HK3: variants seen among roughly 807,000 people sequenced by gnomAD.
HK3 encodes the protein hexokinase 3.
In HK3, 93 loss-of-function variants were observed where a neutral mutation model predicts 91.0. The ratio of observed to expected loss-of-function variants is 1.02; its 90% CI spans 0.86 to 1.21. The LOEUF (loss-of-function observed/expected upper bound fraction) is 1.21. HK3 is among the 50% of genes most tolerant of loss of function. HK3 has a pLI of 0.00. For synonymous variants in HK3, 519 were observed against 516.9 expected (o/e 1.00, Z -0.06); for missense variants, 1,235 against 1,247.4 (o/e 0.99, Z 0.15).
At chr5:176,892,071 TTCCCAAAAC>T in intron 2 of HK3, among the ~76,000 whole-genome samples, 2 of 152,216 alleles carry the variant, frequency 1.3e-5, no homozygotes, top group Non-Finnish European at 2.9e-5. Context: ...TCAGTCATCC[TTCCCAAAAC>T]ATTGCTCCAG....
At chr5:176,889,597 C>G in intron 7 of HK3, 33 bp from the exon 8 acceptor site, 1 of 1,614,006 alleles carries the variant, frequency 6.2e-7, no homozygotes. Flanking sequence ...GGCCTGCTAG[C>G]CAGGCAGCAC....
Position 176,891,482 on chromosome 5 carries a change from C to G in HK3, c.165G>C (p.Leu55Phe). ...CCCTCAGCGCCTGCTCCATGGAACC[C>G]AAGAGGCTGGCTTGGATCTGCTGTA... is the stretch of plus-strand genomic sequence containing the variant. The part of the protein sequence containing the change: ...AQLQQIQASL[L>F]GSMEQALRGQ... The change falls in exon 3 of 19, where the codon TTG (leucine) becomes TTC (phenylalanine). Residue 55 changes from leucine to phenylalanine, a missense_variant. By Grantham distance (22) the Leu-to-Phe change is conservative. Around this residue, in one of 3 missense-constraint regions of HK3, gnomAD observed 717 missense variants for 751.6 expected, o/e 0.95. Transcript: ENST00000292432. 1 of 1,614,190 alleles carries G rather than the reference C, an allele frequency of 6.2e-7. No homozygotes were observed. Among genetic ancestry groups the G allele is most frequent in the Non-Finnish European group, 8.5e-7 (1 of 1,180,034 alleles).
chr5:176,882,418 G>A (rs1758461613), intron 15 of HK3, among the ~76,000 whole-genome samples: 1 of 152,186 alleles, frequency 6.6e-6, no homozygotes, highest in African/African-American at 2.4e-5. Flanking sequence ...ATTCCCCTGG[G>A]AGACATGTGA....
rs771626485 is a variant in HK3, at chr5:176,887,263, C to T, written c.1675G>A (p.Val559Met). The T allele has an allele frequency of 5.6e-6, 9 of 1,613,014 alleles. No homozygotes were observed. Among genetic ancestry groups the T allele is most frequent in the East Asian group, 2.2e-5 (1 of 44,794 alleles). Residue 559 changes from valine to methionine, a missense_variant, in exon 12 of 19, where the codon GTG becomes ATG. By Grantham distance (21) the Val-to-Met change is conservative. Around this residue, in one of 3 missense-constraint regions of HK3, gnomAD observed 717 missense variants for 751.6 expected, o/e 0.95. Transcript: ENST00000292432. The surrounding 1 kb of genome is among the most constrained non-coding windows in gnomAD (Gnocchi z 4.9). ...GAGTAGATCTCGCTGGTGATCTGCA[C>T]GCCTGTGGTCACACGTACCAGGAGG... ...RVLLVRVTTG[V>M]QITSEIYSIP...
chr5:176,888,683 A>G, intron 9 of HK3, 26 bp downstream of exon 9: 2 of 1,613,920 alleles, frequency 1.2e-6, no homozygotes, highest in Non-Finnish European at 1.7e-6. Context: ...AGAATCCCCC[A>G]CTAAACCACC....
intron 13 of HK3, among the ~76,000 whole-genome samples, chr5:176,885,367 C>A (rs1758555497): frequency 6.6e-6 from 1 of 152,202 alleles, no homozygotes; most frequent in Non-Finnish European, 1.5e-5. Context: ...CAAAGGGGCT[C>A]CTGGGGAAGG....
chr5:176,887,000 A>C lies in HK3; in HGVS notation c.1857+2T>G. ...GAATCACTTCTCTTGGCCCTCCCTC[A>C]CCTGGTCTAGGCCAAGCTGCCTACA... On this transcript the variant is annotated splice_donor_variant, in intron 13 of 18. Transcript: ENST00000292432. LOFTEE classifies it high-confidence loss of function. The C allele has an allele frequency of 1.2e-6, 2 of 1,613,838 alleles. No individual in the cohort carries two copies. Among genetic ancestry groups the C allele is most frequent in the Non-Finnish European group, 1.7e-6 (2 of 1,179,946 alleles).
At chr5:176,882,758 G>A (rs1758475597) in intron 15 of HK3, among the ~76,000 whole-genome samples, 1 of 152,192 alleles carries the variant, frequency 6.6e-6, no homozygotes, top group Admixed American at 6.5e-5. Flanking sequence ...CCAGGCAGAG[G>A]ACGCACCCTG....
At chr5:176,889,837 G>A in intron 6 of HK3, 93 bp from the exon 7 acceptor site, 2 of 995,656 alleles carry the variant, frequency 2.0e-6, no homozygotes, top group Non-Finnish European at 3.1e-6. Flanking sequence ...TGGCTTTGAA[G>A]GAGATACATA....
chr5:176,887,825 C>T lies in HK3; in HGVS notation c.1305-79G>A. 1 of 1,465,172 alleles carries T rather than the reference C, an allele frequency of 6.8e-7. No homozygotes were observed. The highest frequency in any genetic ancestry group is 9.3e-7 in the Non-Finnish European group (1 of 1,079,102). The allele number at this position is 1,465,172 out of a possible 1,614,324, so 90.8% of individuals were successfully genotyped here. On this transcript the variant is annotated intron_variant, in intron 10 of 18. Transcript: ENST00000292432. This position sits in a 1 kb window ranked among gnomAD's most constrained non-coding sequence, Gnocchi z 4.9. ...AGGTGTGCACGGCTTGGCCCTGGAC[C>T]CCCAGATACATACAGGTGTGCCCAG...
chr5:176,888,725 C>T lies in HK3; in HGVS notation c.1054G>A (p.Val352Met), dbSNP rs756469070. The T allele has an allele frequency of 9.9e-6, 16 of 1,614,108 alleles. No homozygotes were observed. The East Asian group carries it at 1.3e-4, about 13-fold the overall frequency. The change falls in exon 9 of 19, where the codon GTG becomes ATG. Residue 352 changes from valine (V) to methionine (M), a missense_variant. Physicochemically the swap from Val to Met is conservative, Grantham distance 21. Around this residue, in one of 3 missense-constraint regions of HK3, gnomAD observed 717 missense variants for 751.6 expected, o/e 0.95. Transcript: ENST00000292432. ...CCGACTCACTCCTCCATCTCAGCCA[C>T]GTGTTCCAGGAGGATGCTGCCTTGG... Reference protein sequence around the residue: ...LSQGSILLEHVAEMEDPSTGA... With the variant: ...LSQGSILLEHMAEMEDPSTGA...
At position 176,881,773 on chromosome 5, in the gene HK3, C is replaced by A; in HGVS notation, c.2312G>T (p.Gly771Val). Reference protein sequence around the residue: ...RHILLHLTSLGVLFRGQQIQR... With the variant: ...RHILLHLTSLVVLFRGQQIQR... ...GATCTGCTGGCCCCGGAAGAGAACG[C>A]CAAGGCTGGTTAAATGTAAAAGGAT... is the stretch of plus-strand genomic sequence containing the variant. Residue 771 changes from glycine (G) to valine (V), a missense_variant, in exon 17 of 19, where the codon GGC becomes GTC. Around this residue, in one of 3 missense-constraint regions of HK3, gnomAD observed 513 missense variants for 477.4 expected, o/e 1.07. Transcript: ENST00000292432. 1 of 1,614,196 alleles carries A rather than the reference C, an allele frequency of 6.2e-7. No homozygotes were observed. The highest frequency in any genetic ancestry group is 8.5e-7 in the Non-Finnish European group (1 of 1,180,038).
Position 176,889,533 on chromosome 5 carries a change from C to G in HK3, c.762G>C (p.Glu254Asp). 6.2e-7 allele frequency: 1 copy of G among 1,614,218 alleles called. No individual in the cohort carries two copies. Residue 254 changes from glutamate to aspartate, a missense_variant, in exon 8 of 19, where the codon GAG becomes GAC. Transcript: ENST00000292432. ...DTGTNACYME[E>D]ARHVAVLDED... is the part of the protein sequence containing the mutation. ...CGTCCAGCACTGCCACATGCCGTGC[C>G]TCCTCCATGTAACACGCGTTGGTGC... is the stretch of plus-strand genomic sequence containing the variant.
chr5:176,885,814 G>T (rs1449148923), intron 13 of HK3, among the ~76,000 whole-genome samples: 1 of 151,284 alleles, frequency 6.6e-6, no homozygotes, highest in African/African-American at 2.4e-5. Context: ...AGTCTCACCT[G>T]CTTCTCACAT....
chr5:176,882,297 C>A (rs1365861685), intron 15 of HK3, 170 bp from the exon 16 acceptor site: 3 of 712,254 alleles, frequency 4.2e-6, no homozygotes, highest in East Asian at 2.7e-5. Context: ...CTCGTGCAGA[C>A]CCTGCCAGCT....
chr5:176,881,610 C>T (rs996173040), intron 17 of HK3, 75 bp from the exon 18 acceptor site: 36 of 1,590,304 alleles, frequency 2.3e-5, no homozygotes, highest in African/African-American at 1.7e-4. Context: ...GAGCAGACCT[C>T]GTCACCACCC....
chr5:176,881,582 C>T, intron 17 of HK3, 47 bp from the exon 18 acceptor site: 1 of 1,585,566 alleles, frequency 6.3e-7, no homozygotes, highest in South Asian at 1.1e-5. Context: ...GTCGTGACTT[C>T]TCCCACTTCA....
chr5:176,894,705 A>G (rs919202174), intron 2 of HK3, among the ~76,000 whole-genome samples: 4 of 152,064 alleles, frequency 2.6e-5, no homozygotes, highest in Non-Finnish European at 5.9e-5. Context: ...ATGTCAGAAT[A>G]TGCCAGAAAA....
Position 176,887,293 on chromosome 5 carries a change from G to T in HK3, c.1645C>A (p.Arg549Ser), listed in dbSNP as rs373277952. 1 of 1,613,996 alleles carries T rather than the reference G, an allele frequency of 6.2e-7. No homozygotes were observed. Among genetic ancestry groups the T allele is most frequent in the Non-Finnish European group, 8.5e-7 (1 of 1,179,996 alleles). Reference sequence around the variant, plus strand: ...GTGGTCACACGTACCAGGAGGACACGGAAGTTCGTGCCCCCGAGGTCCAGG... The same window carrying T: ...GTGGTCACACGTACCAGGAGGACACTGAAGTTCGTGCCCCCGAGGTCCAGG... ...LALDLGGTNF[R>S]VLLVRVTTGV... Residue 549 changes from arginine (R) to serine (S), a missense_variant, in exon 12 of 19, where the codon CGT (arginine) becomes AGT (serine). This residue lies in a region of HK3 where 717 missense variants were observed against 751.6 expected (regional missense o/e 0.95). Coordinates refer to ENST00000292432, the MANE Select transcript of HK3 (RefSeq NM_002115.3). The surrounding 1 kb of genome is among the most constrained non-coding windows in gnomAD (Gnocchi z 4.9).
Sources: gnomAD v4.1 joint callset for allele counts (sites outside exome capture counted in the v4.1 genomes callset) on GRCh38, gnomAD v4.1.1 for gene constraint, gnomAD v4.1.1 regional missense constraint, Gnocchi (gnomAD v3.1) non-coding constraint, MANE v1.5 for transcripts, NCBI Gene and HGNC (gene_info 2026-07-23, HGNC 2026-07-21) for gene names.